Variants in RPUSD4 observed in about 807,000 individuals in gnomAD.
RPUSD4 encodes the protein RNA pseudouridine synthase D4.
In RPUSD4, 37 loss-of-function variants were observed where a neutral mutation model predicts 35.4. That is an observed-to-expected ratio of 1.04 (90% CI 0.80 to 1.37). The LOEUF is 1.37. Among genes scored for constraint, RPUSD4 ranks in the 40% most tolerant of loss-of-function variants. The pLI is 0.00. For missense variants in RPUSD4, 507 were observed against 484.9 expected, an observed-to-expected ratio of 1.05 and a Z score of -0.43; for synonymous variants, 210 against 192.7, an observed-to-expected ratio of 1.09 and a Z score of -0.74.
Position 126,211,008 on chromosome 11 carries a change from G to A in RPUSD4, c.237C>T (p.Phe79=), listed in dbSNP as rs1305431580. 3.7e-6 allele frequency: 6 copies of A among 1,614,092 alleles called. No individual in the cohort carries two copies. The Admixed American group carries it at 1.0e-4, about 27-fold the overall frequency. Reference sequence around the variant, plus strand: ...GGTGGACTCGCTGCAGCTGCCGTGTGAACCGCACTATTTCTTGCACTCTCC... The same window carrying A: ...GGTGGACTCGCTGCAGCTGCCGTGTAAACCGCACTATTTCTTGCACTCTCC... The part of the protein sequence containing the change: ...VQRRVQEIVR[F]TRQLQRVHPN... Residue 79 remains phenylalanine (F), a synonymous_variant, in exon 2 of 7, where the codon TTC becomes TTT. Coordinates refer to ENST00000298317, the MANE Select transcript of RPUSD4 (RefSeq NM_032795.3).
At position 126,203,375 on chromosome 11, in the gene RPUSD4, G is replaced by A; in HGVS notation, c.*43C>T. 2.5e-6 allele frequency: 4 copies of A among 1,595,776 alleles called. No individual in the cohort carries two copies. The highest frequency in any genetic ancestry group is 3.4e-6 in the Non-Finnish European group (4 of 1,175,966). ...CTCCCAGGTGCCAGGATGCTCTCAG[G>A]GTCTTCACTGTGCTCCCAGGTGCCA... On this transcript the variant is annotated 3_prime_UTR_variant, in exon 7 of 7. Coordinates refer to ENST00000298317, the MANE Select transcript of RPUSD4 (RefSeq NM_032795.3).
At chr11:126,206,501 G>A (rs1030997333) in intron 3 of RPUSD4, 3 of 152,218 alleles carry the variant, frequency 2.0e-5, no homozygotes, top group Non-Finnish European at 4.4e-5. Context: ...AGGTTGCAGT[G>A]GGCCAAGATT....
chr11:126,209,782 C>T, intron 2 of RPUSD4, 60 bp from the exon 3 acceptor site: 1 of 1,439,142 alleles, frequency 6.9e-7, no homozygotes, highest in Non-Finnish European at 9.6e-7. Flanking sequence ...AAAGAACTCT[C>T]CTTGGGAGAA....
In RPUSD4 at chr11:126,205,573, T is replaced by G. The variant is rs771831451; in HGVS notation, c.691A>C (p.Met231Leu). 2 of 1,614,254 alleles carry G rather than the reference T, an allele frequency of 1.2e-6. No homozygotes were observed. Among genetic ancestry groups the G allele is most frequent in the South Asian group, 1.1e-5 (1 of 91,090 alleles). Residue 231 changes from methionine (M) to leucine (L), a missense_variant, in exon 5 of 7, where the codon ATG (methionine) becomes CTG (leucine). Physicochemically the swap from Met to Leu is conservative, Grantham distance 15. Coordinates refer to ENST00000298317, the MANE Select transcript of RPUSD4 (RefSeq NM_032795.3). The stretch of plus-strand genomic sequence containing the variant: ...TTCCGGCTGCGCCGCACTTTCACCA[T>G]TTTCCCATCGTCCATGCGGTAGCTC... ...SPSYRMDDGK[M>L]VKVRRSRNAQ...
intron 3 of RPUSD4, among the ~76,000 whole-genome samples, chr11:126,208,077 G>A (rs1415933833): frequency 6.6e-6 from 1 of 151,724 alleles, no homozygotes; most frequent in Non-Finnish European, 1.5e-5. Context: ...TGCTTTGGCT[G>A]ATAAGGGGAG....
intron 2 of RPUSD4, 145 bp from the exon 3 acceptor site, chr11:126,209,867 T>C (rs1949823213): frequency 1.3e-5 from 9 of 674,008 alleles, no homozygotes; most frequent in South Asian, 7.4e-5. Context: ...CTAGCAACAA[T>C]GGCATGTCTA....
At chr11:126,207,782 T>C (rs1436844664) in intron 3 of RPUSD4, among the ~76,000 whole-genome samples, 1 of 151,690 alleles carries the variant, frequency 6.6e-6, no homozygotes, top group East Asian at 1.9e-4. Flanking sequence ...GAGGTTGCAG[T>C]GAGCCAAGAT....
At position 126,209,651 on chromosome 11, in the gene RPUSD4, C is replaced by G. The variant is rs1426483936; in HGVS notation, c.427G>C (p.Ala143Pro). Residue 143 changes from alanine to proline, a missense_variant, in exon 3 of 7, where the codon GCA (alanine) becomes CCA (proline). Transcript: ENST00000298317. ...ILAKMLHGHKAEPLHLCHRLD... is the reference protein window; with the variant it reads ...ILAKMLHGHKPEPLHLCHRLD... ...CGGTGGCACAGATGCAAGGGCTCTGCCTTGTGGCCATGAAGCATCTTTGCC... is the reference window on the plus strand; with the variant it reads ...CGGTGGCACAGATGCAAGGGCTCTGGCTTGTGGCCATGAAGCATCTTTGCC... The G allele has an allele frequency of 2.5e-6, 4 of 1,614,216 alleles. No homozygotes were observed. In the South Asian group the frequency reaches 3.3e-5, roughly 13 times the overall value.
In RPUSD4 at chr11:126,209,542, C is replaced by T. The variant is rs1477711924; in HGVS notation, c.536G>A (p.Arg179His). Residue 179 changes from arginine (R) to histidine (H), a missense_variant, in exon 3 of 7, where the codon CGT becomes CAT. Coordinates refer to ENST00000298317, the MANE Select transcript of RPUSD4 (RefSeq NM_032795.3). ...AHQVQELFRT[R>H]QVVKKYWAIT... ...ATACCAGTACTTCTTCACCACCTGACGGGTTCTAAACAACTCTTGGACTTG... is the reference window on the plus strand; with the variant it reads ...ATACCAGTACTTCTTCACCACCTGATGGGTTCTAAACAACTCTTGGACTTG... 1.2e-5 allele frequency: 20 copies of T among 1,614,104 alleles called. No homozygotes were observed. The highest frequency in any genetic ancestry group is 1.6e-4 in the Middle Eastern group (1 of 6,084).
chr11:126,209,644 G>C lies in RPUSD4; in HGVS notation c.434C>G (p.Pro145Arg). 1 of 1,614,158 alleles carries C rather than the reference G, an allele frequency of 6.2e-7. No homozygotes were observed. Among genetic ancestry groups the C allele is most frequent in the South Asian group, 1.1e-5 (1 of 91,086 alleles). The stretch of plus-strand genomic sequence containing the variant: ...GTCCAGCCGGTGGCACAGATGCAAG[G>C]GCTCTGCCTTGTGGCCATGAAGCAT... ...AKMLHGHKAE[P>R]LHLCHRLDKE... Residue 145 changes from proline (P) to arginine (R), a missense_variant, in exon 3 of 7, where the codon CCC (proline) becomes CGC (arginine). Coordinates refer to ENST00000298317, the MANE Select transcript of RPUSD4 (RefSeq NM_032795.3).
intron 2 of RPUSD4, among the ~76,000 whole-genome samples, chr11:126,210,550 C>CACACACACACACACACACA (rs3220746): frequency 4.1e-5 from 6 of 144,628 alleles, no homozygotes; most frequent in Non-Finnish European, 7.6e-5. Flanking sequence ...CACACACACA[C>CACACACACACACACACACA]CCCCTTTTTT....
intron 2 of RPUSD4, among the ~76,000 whole-genome samples, chr11:126,210,520 T>TATACATACACAC (rs1555047310): frequency 1.7e-5 from 1 of 60,254 alleles, no homozygotes. Context: ...CCAACATACA[T>TATACATACACAC]ACACACACAC....
At chr11:126,203,732 C>T in intron 6 of RPUSD4, 75 bp from the exon 7 acceptor site, 1 of 1,533,096 alleles carries the variant, frequency 6.5e-7, no homozygotes, top group Non-Finnish European at 8.7e-7. Flanking sequence ...GGTCAGGGCA[C>T]TTCTACTTAC....
rs952444496 is a variant in RPUSD4 at position 126,202,958 on chromosome 11, C to T, written c.*460G>A. On this transcript the variant is annotated 3_prime_UTR_variant, in exon 7 of 7. Coordinates refer to ENST00000298317, the MANE Select transcript of RPUSD4 (RefSeq NM_032795.3). ...GTTCAGTAGGGCACCCACACTATAG[C>T]TGGGCAATCCCTGGATGCTGTGATA... is the stretch of plus-strand genomic sequence containing the variant. 1 of 171,980 alleles carries T rather than the reference C, an allele frequency of 5.8e-6. No individual in the cohort carries two copies. Among genetic ancestry groups the T allele is most frequent in the African/African-American group, 2.4e-5 (1 of 42,114 alleles). 10.7% of individuals were successfully genotyped at this position (171,980 alleles called of 1,614,324 possible). A position where few individuals can be genotyped will look rare whatever the true frequency, so the allele number is the denominator to read the frequency against.
At chr11:126,207,262 T>C (rs1043845306) in intron 3 of RPUSD4, among the ~76,000 whole-genome samples, 3 of 152,222 alleles carry the variant, frequency 2.0e-5, no homozygotes, top group African/African-American at 7.2e-5. Context: ...AATGACACAG[T>C]TGAGAGTTGA....
chr11:126,209,538 C>G lies in RPUSD4; in HGVS notation c.540G>C (p.Gln180His). 1 of 1,614,238 alleles carries G rather than the reference C, an allele frequency of 6.2e-7. No homozygotes were observed. Among genetic ancestry groups the G allele is most frequent in the African/African-American group, 1.3e-5 (1 of 75,060 alleles). Residue 180 changes from glutamine to histidine, a missense_variant, in exon 3 of 7, where the codon CAG becomes CAC. Physicochemically the swap from Gln to His is conservative, Grantham distance 24. Transcript: ENST00000298317. ...CCTCATACCAGTACTTCTTCACCACCTGACGGGTTCTAAACAACTCTTGGA... is the reference window on the plus strand; with the variant it reads ...CCTCATACCAGTACTTCTTCACCACGTGACGGGTTCTAAACAACTCTTGGA... ...HQVQELFRTR[Q>H]VVKKYWAITV...
chr11:126,211,349 T>G (rs536290929), intron 1 of RPUSD4, 101 bp downstream of exon 1: 3 of 1,306,664 alleles, frequency 2.3e-6, no homozygotes, highest in African/African-American at 1.5e-5. Context: ...TCCGGGCTAT[T>G]GACTCACACG....
chr11:126,209,741 A>T lies in RPUSD4; in HGVS notation c.356-19T>A, dbSNP rs1400821278. ...GGGCCACCTAAGAAGGAAAAAGCCA[A>T]AGGTTTGAGCGGCCAGGAAAAGATC... On this transcript the variant is annotated intron_variant, in intron 2 of 6. Transcript: ENST00000298317. 1 of 1,606,846 alleles carries T rather than the reference A, an allele frequency of 6.2e-7. No individual in the cohort carries two copies. Among genetic ancestry groups the T allele is most frequent in the South Asian group, 1.1e-5 (1 of 90,854 alleles).
At chr11:126,211,146 G>T in intron 1 of RPUSD4, 91 bp from the exon 2 acceptor site, 1 of 1,442,940 alleles carries the variant, frequency 6.9e-7, no homozygotes, top group South Asian at 1.3e-5. Flanking sequence ...TCTGAGTAGG[G>T]AATGACTATC....
Sources: gnomAD v4.1 joint callset for allele counts (sites outside exome capture counted in the v4.1 genomes callset) on GRCh38, gnomAD v4.1.1 for gene constraint, MANE v1.5 for transcripts, NCBI Gene and HGNC (gene_info 2026-07-23, HGNC 2026-07-21) for gene names.